The following PROX1 variants were observed in gnomAD, a reference collection of about 807,000 sequenced individuals.
PROX1 encodes prospero homeobox protein 1.
In PROX1, 7 loss-of-function variants were observed where a neutral mutation model predicts 58.8. The observed-to-expected ratio is 0.12, with a 90% confidence interval of 0.07 to 0.22. The LOEUF is 0.22. Among genes scored for constraint, PROX1 ranks in the 10% least tolerant of loss-of-function variants. PROX1 has a pLI of 1.00. For synonymous variants in PROX1, 350 were observed against 358.3 expected (o/e 0.98, Z 0.26); for missense variants, 675 against 927.8 (o/e 0.73, Z 3.54).
chr1:213,991,203 G>A (rs1331698823), intron 1 of PROX1, among the ~76,000 whole-genome samples: 2 of 152,134 alleles, frequency 1.3e-5, no homozygotes, highest in Non-Finnish European at 2.9e-5. Flanking sequence ...AAAGTTGTTG[G>A]GAATTCAATG....
upstream of PROX1, chr1:213,984,874 C>T (rs1351240806): frequency 2.0e-5 from 3 of 152,316 alleles, no homozygotes; most frequent in African/African-American, 7.2e-5. Context: ...GATCTGATAA[C>T]AGTTGTTTGT....
chr1:214,004,147 A>G (rs1206786189), intron 2 of PROX1, among the ~76,000 whole-genome samples: 1 of 152,260 alleles, frequency 6.6e-6, no homozygotes, highest in Non-Finnish European at 1.5e-5. Context: ...CTGATAAATT[A>G]TAAAGCCATT....
chr1:214,005,391 T>C, intron 3 of PROX1, 119 bp downstream of exon 3: 1 of 749,638 alleles, frequency 1.3e-6, no homozygotes, highest in Non-Finnish European at 2.2e-6. Flanking sequence ...TGTGTTATAA[T>C]TGATTTAATG....
At chr1:214,021,318 G>A (rs866735295) in intron 4 of PROX1, among the ~76,000 whole-genome samples, 6 of 151,904 alleles carry the variant, frequency 3.9e-5, no homozygotes, top group Non-Finnish European at 7.4e-5. Flanking sequence ...TTCTTTTTAC[G>A]GCTCTAAACG....
At chr1:214,020,703 A>G (rs1428673177) in intron 4 of PROX1, among the ~76,000 whole-genome samples, 1 of 152,240 alleles carries the variant, frequency 6.6e-6, no homozygotes, top group Admixed American at 6.5e-5. Flanking sequence ...AGCTTTTCCA[A>G]TAGAGTTTAA....
intron 1 of PROX1, among the ~76,000 whole-genome samples, chr1:213,991,886 T>C (rs57676553): frequency 4.6e-4 from 70 of 152,342 alleles, no homozygotes; most frequent in African/African-American, 1.5e-3. Flanking sequence ...GATGTTATAA[T>C]ATGAAAATAG....
chr1:213,997,564 G>A lies in PROX1; in HGVS notation c.1029G>A (p.Pro343=), dbSNP rs768687981. The stretch of plus-strand genomic sequence containing the variant: ...ACCATGGGCCAAACTCCTTACAACC[G>A]GAAGGCAAACATTTGGCTGAGACCT... ...ERDHGPNSLQ[P]EGKHLAETLK... is the part of the protein sequence containing the mutation. Residue 343 remains proline (P), a synonymous_variant, in exon 2 of 5, where the codon CCG becomes CCA. Coordinates refer to ENST00000366958, the MANE Select transcript of PROX1 (RefSeq NM_001270616.2). The surrounding 1 kb of genome is among the most constrained non-coding windows in gnomAD (Gnocchi z 7.1). The A allele has an allele frequency of 7.4e-6, 12 of 1,613,928 alleles. No homozygotes were observed. The African/African-American group carries it at 1.1e-4, about 14-fold the overall frequency.
Position 213,997,059 on chromosome 1 carries a change from G to T in PROX1, c.524G>T (p.Gly175Val). 1 of 1,614,062 alleles carries T rather than the reference G, an allele frequency of 6.2e-7. No individual in the cohort carries two copies. The highest frequency in any genetic ancestry group is 8.5e-7 in the Non-Finnish European group (1 of 1,180,030). ...GCCCGGGTTGAGAATATAATTCGGG[G>T]TATGAGCCATTCCCCCAGTGTGGCA... ...KRARVENIIRGMSHSPSVALR... is the reference protein window; with the variant it reads ...KRARVENIIRVMSHSPSVALR... The change falls in exon 2 of 5, where the codon GGT (glycine) becomes GTT (valine). Residue 175 changes from glycine to valine, a missense_variant. Transcript: ENST00000366958. The surrounding 1 kb of genome is among the most constrained non-coding windows in gnomAD (Gnocchi z 7.1).
At position 213,997,347 on chromosome 1, in the gene PROX1, A is replaced by G; in HGVS notation, c.812A>G (p.Asp271Gly). The G allele has an allele frequency of 6.2e-7, 1 of 1,614,106 alleles. No homozygotes were observed. The highest frequency in any genetic ancestry group is 8.5e-7 in the Non-Finnish European group (1 of 1,180,028). The change falls in exon 2 of 5, where the codon GAT (aspartate) becomes GGT (glycine). Residue 271 changes from aspartate to glycine, a missense_variant. Asp to Gly is a moderately conservative substitution (Grantham distance 94). This residue lies in a region of PROX1 where 403 missense variants were observed against 477.4 expected (regional missense o/e 0.84). Coordinates refer to ENST00000366958, the MANE Select transcript of PROX1 (RefSeq NM_001270616.2). The surrounding 1 kb of genome is among the most constrained non-coding windows in gnomAD (Gnocchi z 7.1). ...AGCACTGATTCGGAAAATGATGAAG[A>G]TGGTAACCTGTCTGAAGACAGCATG... ...YDSTDSENDE[D>G]GNLSEDSMRS...
At chr1:214,002,985 G>T (rs1256779252) in intron 2 of PROX1, among the ~76,000 whole-genome samples, 1 of 152,124 alleles carries the variant, frequency 6.6e-6, no homozygotes, top group African/African-American at 2.4e-5. Flanking sequence ...TCAGTTCCAA[G>T]TATTACCAAC....
At chr1:213,998,335 C>G in intron 2 of PROX1, 75 bp downstream of exon 2, 1 of 1,457,956 alleles carries the variant, frequency 6.9e-7, no homozygotes, top group Non-Finnish European at 9.2e-7. Context: ...TACACAATAT[C>G]TAGAGTAATG....
At chr1:213,986,961 C>T (rs1265130067), upstream of PROX1, among the ~76,000 whole-genome samples, 1 of 152,090 alleles carries the variant, frequency 6.6e-6, no homozygotes, top group Admixed American at 6.6e-5. Flanking sequence ...TTAGAGCCTG[C>T]GATTTATGCG....
At chr1:213,988,701 C>A (rs958615129) in intron 1 of PROX1, 1 of 152,182 alleles carries the variant, frequency 6.6e-6, no homozygotes, top group East Asian at 1.9e-4. Flanking sequence ...CTCAGCGCTC[C>A]GCTCCTCCCA....
intron 4 of PROX1, among the ~76,000 whole-genome samples, chr1:214,015,921 A>G (rs1664079049): frequency 6.6e-6 from 1 of 152,198 alleles, no homozygotes; most frequent in Non-Finnish European, 1.5e-5. Context: ...AGTTTCCAGT[A>G]AGAATGACAG....
chr1:214,023,411 C>A (rs1664351255), intron 4 of PROX1, among the ~76,000 whole-genome samples: 1 of 151,734 alleles, frequency 6.6e-6, no homozygotes, highest in Admixed American at 6.6e-5. Flanking sequence ...AGCTGGAGTA[C>A]AGTGGCATGA....
intron 2 of PROX1, among the ~76,000 whole-genome samples, chr1:214,003,080 C>A (rs1304958432): frequency 6.6e-6 from 1 of 151,982 alleles, no homozygotes; most frequent in African/African-American, 2.4e-5. Flanking sequence ...AAATACTGAT[C>A]AAAATAAAAT....
chr1:214,022,982 C>CA (rs1391271027), intron 4 of PROX1, among the ~76,000 whole-genome samples: 1 of 152,192 alleles, frequency 6.6e-6, no homozygotes, highest in Non-Finnish European at 1.5e-5. Flanking sequence ...TTATCTCAGT[C>CA]AAAATCTCCA....
intron 4 of PROX1, among the ~76,000 whole-genome samples, chr1:214,012,879 G>A (rs1381991424): frequency 1.3e-5 from 2 of 152,090 alleles, no homozygotes; most frequent in Admixed American, 6.5e-5. Context: ...CCTTGGCCTC[G>A]CTCTGTCAAT....
At chr1:214,021,056 G>A (rs1664262674) in intron 4 of PROX1, among the ~76,000 whole-genome samples, 3 of 152,188 alleles carry the variant, frequency 2.0e-5, no homozygotes, top group Non-Finnish European at 4.4e-5. Flanking sequence ...GATCAGGCGG[G>A]TGGGCTCCCC....
Sources: allele counts gnomAD v4.1 joint callset (sites outside exome capture counted in the v4.1 genomes callset), GRCh38; gene constraint gnomAD v4.1.1; regional missense constraint gnomAD v4.1.1; non-coding constraint Gnocchi (gnomAD v3.1); transcripts MANE v1.5; gene names NCBI Gene and HGNC (gene_info 2026-07-23, HGNC 2026-07-21).